Variants in RANBP17 observed in about 807,000 individuals in gnomAD.
RANBP17 encodes ran-binding protein 17.
In RANBP17, 158 loss-of-function variants were observed where a neutral mutation model predicts 141.2. The observed-to-expected ratio is 1.12, with a 90% CI of 0.98 to 1.28. The LOEUF is 1.28. Among genes scored for constraint, RANBP17 ranks in the 50% most tolerant of loss-of-function variants. The probability of loss-of-function intolerance (pLI) is 0.00; values close to 1 mark genes in which losing one functional copy is unlikely to be tolerated. For synonymous variants in RANBP17, 430 were observed against 450.0 expected, an observed-to-expected ratio of 0.96 and a Z score of 0.56; for missense variants, 1,438 against 1,290.7, an observed-to-expected ratio of 1.11 and a Z score of -1.75.
intron 14 of RANBP17, among the ~76,000 whole-genome samples, chr5:171,146,313 A>G (rs1758025772): frequency 6.6e-6 from 1 of 152,246 alleles, no homozygotes; most frequent in African/African-American, 2.4e-5. Context: ...GTAATTATCA[A>G]GAGGAGGAAT....
At chr5:170,904,661 T>C (rs1770932083) in intron 5 of RANBP17, among the ~76,000 whole-genome samples, 1 of 152,150 alleles carries the variant, frequency 6.6e-6, no homozygotes, top group African/African-American at 2.4e-5. Flanking sequence ...GTACCTGAAC[T>C]TCAGACATTT....
intron 14 of RANBP17, among the ~76,000 whole-genome samples, chr5:171,026,361 C>T (rs1313451594): frequency 6.6e-6 from 1 of 152,126 alleles, no homozygotes; most frequent in East Asian, 1.9e-4. Context: ...GTGACAGAGC[C>T]GTGATTCAAA....
intron 14 of RANBP17, among the ~76,000 whole-genome samples, chr5:171,025,209 A>T (rs372694876): frequency 2.2e-4 from 34 of 152,224 alleles, no homozygotes; most frequent in African/African-American, 7.9e-4. Flanking sequence ...CCACATATCC[A>T]TTCTCAAAGT....
intron 22 of RANBP17, among the ~76,000 whole-genome samples, chr5:171,224,441 T>G (rs1286590168): frequency 1.3e-5 from 2 of 152,198 alleles, no homozygotes; most frequent in African/African-American, 4.8e-5. Context: ...AGCTTCCTCT[T>G]CCAGTGTCAC....
chr5:171,223,932 A>G (rs1018523203), intron 22 of RANBP17, among the ~76,000 whole-genome samples: 2 of 152,218 alleles, frequency 1.3e-5, no homozygotes, highest in Non-Finnish European at 2.9e-5. Flanking sequence ...CTTTGTGGCT[A>G]GTTTTCTTTT....
intron 3 of RANBP17, among the ~76,000 whole-genome samples, chr5:170,888,022 T>C (rs1258479506): frequency 6.6e-6 from 1 of 152,218 alleles, no homozygotes; most frequent in East Asian, 1.9e-4. Flanking sequence ...GGACAGACAT[T>C]CAAACTGTAG....
rs1771507464 is a variant in RANBP17 at position 170,911,305 on chromosome 5, A to G, written c.760+171A>G. 1.6e-5 allele frequency: 10 copies of G among 615,306 alleles called. 1 individual carries two copies. The East Asian group carries it at 2.2e-4, about 14-fold the overall frequency. 38.1% of individuals were successfully genotyped at this position (615,306 alleles called of 1,614,324 possible). On this transcript the variant is annotated intron_variant, in intron 7 of 27. Coordinates refer to ENST00000523189, the MANE Select transcript of RANBP17 (RefSeq NM_022897.5). Reference sequence around the variant, plus strand: ...AATATTGAAATGTTTTCTGTAATTCATATTATAGTAACTTCTATATTTTGA... The same window carrying G: ...AATATTGAAATGTTTTCTGTAATTCGTATTATAGTAACTTCTATATTTTGA...
Position 171,242,723 on chromosome 5 carries a change from A to G in RANBP17, c.2679A>G (p.Glu893=). The G allele has an allele frequency of 6.2e-7, 1 of 1,613,786 alleles. No individual in the cohort carries two copies. Among genetic ancestry groups the G allele is most frequent in the Non-Finnish European group, 8.5e-7 (1 of 1,179,740 alleles). ...GCCAGTCTTATTATCCACTCCTGGAATGTCTCACTCAGGACCATATGAGCT... is the reference window on the plus strand; with the variant it reads ...GCCAGTCTTATTATCCACTCCTGGAGTGTCTCACTCAGGACCATATGAGCT... ...KLSQSYYPLL[E]CLTQDHMSFI... is the part of the protein sequence containing the mutation. The change falls in exon 24 of 28, where the codon GAA becomes GAG. Residue 893 remains glutamate (E), a synonymous_variant. Transcript: ENST00000523189.
intron 12 of RANBP17, among the ~76,000 whole-genome samples, chr5:170,933,131 T>C (rs1468049189): frequency 6.6e-6 from 1 of 152,170 alleles, no homozygotes; most frequent in African/African-American, 2.4e-5. Flanking sequence ...CTTCCTGGTT[T>C]AGTCTTGGGA....
At chr5:170,989,693 G>A (rs150596848) in intron 14 of RANBP17, among the ~76,000 whole-genome samples, 6 of 151,764 alleles carry the variant, frequency 4.0e-5, no homozygotes, top group African/African-American at 1.4e-4. Flanking sequence ...TCTTAATAAT[G>A]TATTGGAGTA....
intron 5 of RANBP17, among the ~76,000 whole-genome samples, chr5:170,899,568 G>A (rs917963364): frequency 6.6e-6 from 1 of 152,190 alleles, no homozygotes; most frequent in Non-Finnish European, 1.5e-5. Flanking sequence ...GAATAGGAGT[G>A]GTAAGAGAGA....
chr5:171,175,003 A>G (rs1285635961), intron 16 of RANBP17, among the ~76,000 whole-genome samples: 4 of 151,452 alleles, frequency 2.6e-5, no homozygotes, highest in Admixed American at 2.6e-4. Context: ...CCCTGTGTCC[A>G]TGTGTTGTCA....
intron 14 of RANBP17, among the ~76,000 whole-genome samples, chr5:171,082,167 T>A (rs1374408125): frequency 2.0e-5 from 3 of 152,172 alleles, no homozygotes; most frequent in Admixed American, 6.5e-5. Flanking sequence ...GTTACACACC[T>A]GACTTGCGCT....
chr5:171,277,938 C>CTTTTTTTTTTTTTTTTTTTTTT (rs140208253), intron 25 of RANBP17, among the ~76,000 whole-genome samples: 1 of 72,266 alleles, frequency 1.4e-5, no homozygotes, highest in Non-Finnish European at 2.3e-5. Context: ...GGACTTCTTT[C>CTTTTTTTTTTTTTTTTTTTTTT]TTTTTTTTTT....
chr5:170,936,943 A>G (rs922062648), intron 12 of RANBP17, among the ~76,000 whole-genome samples: 1 of 152,158 alleles, frequency 6.6e-6, no homozygotes, highest in Non-Finnish European at 1.5e-5. Context: ...ATATTACTGT[A>G]ACCACTCCAC....
intron 22 of RANBP17, among the ~76,000 whole-genome samples, chr5:171,223,089 G>A (rs114088989): frequency 1.3e-5 from 2 of 152,212 alleles, no homozygotes; most frequent in Non-Finnish European, 2.9e-5. Flanking sequence ...AAAAAAATGG[G>A]TGTTTTAAGT....
At chr5:171,121,587 G>T (rs1281737768) in intron 14 of RANBP17, among the ~76,000 whole-genome samples, 1 of 152,182 alleles carries the variant, frequency 6.6e-6, no homozygotes, top group Non-Finnish European at 1.5e-5. Flanking sequence ...AGAACATGCA[G>T]CAGTTTGTTA....
At chr5:170,903,902 G>T (rs767784359) in intron 5 of RANBP17, 1 of 522,612 alleles carries the variant, frequency 1.9e-6, no homozygotes, top group South Asian at 1.5e-5. Context: ...AAATCAGCAT[G>T]AATTTAGTTC....
At chr5:170,890,927 T>G (rs1377056355) in intron 3 of RANBP17, among the ~76,000 whole-genome samples, 1 of 152,230 alleles carries the variant, frequency 6.6e-6, no homozygotes, top group East Asian at 1.9e-4. Context: ...TGGAGTGCAG[T>G]GGCATAGTCA....
Sources: gnomAD v4.1 joint callset for allele counts (sites outside exome capture counted in the v4.1 genomes callset) on GRCh38, gnomAD v4.1.1 for gene constraint, MANE v1.5 for transcripts, NCBI Gene and HGNC (gene_info 2026-07-23, HGNC 2026-07-21) for gene names.